HIBCH: variants seen among roughly 807,000 people sequenced by gnomAD.
HIBCH encodes the protein 3-hydroxyisobutyryl-CoA hydrolase, mitochondrial.
In HIBCH, 50 loss-of-function variants were observed where a neutral mutation model predicts 58.2. That is an observed-to-expected ratio of 0.86 (90% CI 0.68 to 1.09). The LOEUF (loss-of-function observed/expected upper bound fraction) is 1.09. Among genes scored for constraint, HIBCH ranks in the 50% least tolerant of loss-of-function variants. The pLI is 0.00. For missense variants in HIBCH, 450 were observed against 449.7 expected, an observed-to-expected ratio of 1.00 and a Z score of -0.01; for synonymous variants, 151 against 146.9, an observed-to-expected ratio of 1.03 and a Z score of -0.20.
At chr2:190,314,372 T>G (rs572919427) in intron 1 of HIBCH, among the ~76,000 whole-genome samples, 1 of 86,586 alleles carries the variant, frequency 1.2e-5, no homozygotes, top group African/African-American at 4.8e-5. Context: ...TATATATACG[T>G]ATATATGTGT....
intron 6 of HIBCH, among the ~76,000 whole-genome samples, chr2:190,273,690 T>C (rs570592377): frequency 1.0e-5 from 1 of 98,390 alleles, no homozygotes; most frequent in Non-Finnish European, 2.1e-5. Flanking sequence ...TCCTTTCATA[T>C]CTTCCAGTTT....
chr2:190,252,033 T>A, intron 8 of HIBCH, 129 bp downstream of exon 8: 1 of 823,832 alleles, frequency 1.2e-6, no homozygotes, highest in Non-Finnish European at 2.0e-6. Context: ...AGCTATAAAC[T>A]AATAGGTCCA....
chr2:190,226,906 C>T (rs1284304667), intron 11 of HIBCH, among the ~76,000 whole-genome samples: 2 of 152,112 alleles, frequency 1.3e-5, no homozygotes, highest in Admixed American at 6.6e-5. Context: ...GAACTACAAA[C>T]CACTGCTCAA....
At chr2:190,233,938 A>G (rs1219822187) in intron 11 of HIBCH, among the ~76,000 whole-genome samples, 2 of 152,224 alleles carry the variant, frequency 1.3e-5, no homozygotes, top group Admixed American at 1.3e-4. Context: ...CAGGTGGATC[A>G]CATGAGGTCA....
chr2:190,285,726 TCAG>T (rs1687812958), intron 6 of HIBCH, among the ~76,000 whole-genome samples: 2 of 152,132 alleles, frequency 1.3e-5, no homozygotes, highest in South Asian at 4.1e-4. Flanking sequence ...TTGTCACGGC[TCAG>T]GATATGCTAC....
rs1236275651 is a variant in HIBCH at position 190,226,600 on chromosome 2, A to T, written c.892-13525T>A. Among the ~76,000 whole-genome samples the T allele has an allele frequency of 2.8e-3, 207 of 73,836 alleles. 1 individual carries two copies. The South Asian group carries it at 0.042, about 15-fold the overall frequency. The allele number at this position is 73,836 out of a possible 152,430, so 48.4% of individuals were successfully genotyped here. On this transcript the variant is annotated intron_variant, in intron 11 of 13. Coordinates refer to ENST00000359678, the MANE Select transcript of HIBCH (RefSeq NM_014362.4). ...ACAAGAGTGAAACTCCGTCTCAAAA[A>T]AAAAAAAAAAAAAAAAAAAAAAAGA...
At chr2:190,225,219 C>A (rs1221978354) in intron 11 of HIBCH, among the ~76,000 whole-genome samples, 1 of 152,046 alleles carries the variant, frequency 6.6e-6, no homozygotes, top group Non-Finnish European at 1.5e-5. Flanking sequence ...ACTAGAGAAG[C>A]AAGAACAAAC....
intron 6 of HIBCH, among the ~76,000 whole-genome samples, chr2:190,265,950 A>G (rs1245571800): frequency 6.6e-6 from 1 of 152,066 alleles, no homozygotes; most frequent in East Asian, 1.9e-4. Flanking sequence ...CTATAAAAAT[A>G]ATTTTCAGCT....
rs2105901918 is a variant in HIBCH at position 190,213,050 on chromosome 2, G to A, written c.917C>T (p.Ser306Phe). The A allele has an allele frequency of 6.2e-7, 1 of 1,608,352 alleles. No individual in the cohort carries two copies. Among genetic ancestry groups the A allele is most frequent in the African/African-American group, 1.3e-5 (1 of 74,862 alleles). ...LKVINKMSPT[S>F]LKITLRQLME... is the part of the protein sequence containing the mutation. Reference sequence around the variant, plus strand: ...GAGTTGCCTTAGTGTGATCTTTAGAGATGTTGGAGACATTTTATTAATTAC... The same window carrying A: ...GAGTTGCCTTAGTGTGATCTTTAGAAATGTTGGAGACATTTTATTAATTAC... Residue 306 changes from serine to phenylalanine, a missense_variant, in exon 12 of 14, where the codon TCT (serine) becomes TTT (phenylalanine). By Grantham distance (155) the Ser-to-Phe change is radical. Coordinates refer to ENST00000359678, the MANE Select transcript of HIBCH (RefSeq NM_014362.4).
chr2:190,212,461 T>C (rs1559012770), intron 12 of HIBCH, among the ~76,000 whole-genome samples: 1 of 152,358 alleles, frequency 6.6e-6, no homozygotes, highest in East Asian at 1.9e-4. Flanking sequence ...AGATGTTTCA[T>C]GAAATCAATA....
intron 7 of HIBCH, among the ~76,000 whole-genome samples, chr2:190,255,964 C>A (rs959604040): frequency 1.3e-5 from 2 of 152,032 alleles, no homozygotes; most frequent in African/African-American, 4.8e-5. Flanking sequence ...GCTAAGGAGG[C>A]CTCAGGAAAC....
At position 190,243,387 on chromosome 2, in the gene HIBCH, G is replaced by T. The variant is rs559141175; in HGVS notation, c.891+1500C>A. On this transcript the variant is annotated intron_variant, in intron 11 of 13. Coordinates refer to ENST00000359678, the MANE Select transcript of HIBCH (RefSeq NM_014362.4). This position sits in a 1 kb window ranked among gnomAD's most constrained non-coding sequence, Gnocchi z 4.1. ...GCCTACTGTGGGACCTTGTGATTGTGCAGGTTAATACTTAATAAACTCCCC... is the reference window on the plus strand; with the variant it reads ...GCCTACTGTGGGACCTTGTGATTGTTCAGGTTAATACTTAATAAACTCCCC... Among the ~76,000 whole-genome samples the T allele has an allele frequency of 1.3e-5, 2 of 152,266 alleles. No individual in the cohort carries two copies. Among genetic ancestry groups the T allele is most frequent in the East Asian group, 3.9e-4 (2 of 5,180 alleles).
At chr2:190,313,656 A>AG (rs1688616903) in intron 1 of HIBCH, among the ~76,000 whole-genome samples, 1 of 148,546 alleles carries the variant, frequency 6.7e-6, no homozygotes, top group Non-Finnish European at 1.5e-5. Flanking sequence ...AAAAAAAAAA[A>AG]AAAAAAAAGG....
chr2:190,263,936 T>C (rs1687162248), intron 6 of HIBCH, among the ~76,000 whole-genome samples: 1 of 152,050 alleles, frequency 6.6e-6, no homozygotes, highest in Admixed American at 6.6e-5. Context: ...AGCTCTAACT[T>C]AAAAATATAT....
At position 190,315,793 on chromosome 2, in the gene HIBCH, G is replaced by A. The variant is rs1484511390; in HGVS notation, c.35+3923C>T. Among the ~76,000 whole-genome samples, 1 of 152,134 alleles carries A rather than the reference G, an allele frequency of 6.6e-6. No individual in the cohort carries two copies. The highest frequency in any genetic ancestry group is 1.9e-4 in the East Asian group (1 of 5,188). On this transcript the variant is annotated intron_variant, in intron 1 of 13. Transcript: ENST00000359678. The surrounding 1 kb of genome is among the most constrained non-coding windows in gnomAD (Gnocchi z 5.4). Reference sequence around the variant, plus strand: ...TTATAAAGTAAAAACTCAATGGAAAGGAATGTCAAAAATGACTTTAAGATT... The same window carrying A: ...TTATAAAGTAAAAACTCAATGGAAAAGAATGTCAAAAATGACTTTAAGATT...
chr2:190,206,991 AG>A lies in HIBCH; in HGVS notation c.1046-1760del, dbSNP rs1391410798. Among the ~76,000 whole-genome samples, 2 of 152,050 alleles carry A rather than the reference AG, an allele frequency of 1.3e-5. No individual in the cohort carries two copies. The highest frequency in any genetic ancestry group is 4.8e-5 in the African/African-American group (2 of 41,414). ...ATACAAAAAAATTAGGCGTGGTGGC[AG>A]GCGCTTTTAGTCCCAGCTACTCGGG... On this transcript the variant is annotated intron_variant, in intron 13 of 13. Transcript: ENST00000359678. This position sits in a 1 kb window ranked among gnomAD's most constrained non-coding sequence, Gnocchi z 5.1.
intron 11 of HIBCH, among the ~76,000 whole-genome samples, chr2:190,223,511 C>G (rs1427547666): frequency 6.6e-6 from 1 of 152,166 alleles, no homozygotes; most frequent in African/African-American, 2.4e-5. Flanking sequence ...AAAACAGAGT[C>G]AAGGAAAGGC....
downstream of HIBCH, among the ~76,000 whole-genome samples, chr2:190,199,203 A>G (rs1690121970): frequency 2.6e-5 from 4 of 152,120 alleles, 1 homozygote; most frequent in South Asian, 8.3e-4. Context: ...ATAGATCAGG[A>G]CTCAGCAAAC....
intron 6 of HIBCH, among the ~76,000 whole-genome samples, chr2:190,268,928 C>T (rs890071183): frequency 3.9e-5 from 6 of 152,152 alleles, no homozygotes; most frequent in Non-Finnish European, 7.3e-5. Flanking sequence ...AATAACACCA[C>T]ATATCTAAAA....
Sources: gnomAD v4.1 joint callset for allele counts (sites outside exome capture counted in the v4.1 genomes callset) on GRCh38, gnomAD v4.1.1 for gene constraint, Gnocchi (gnomAD v3.1) non-coding constraint, MANE v1.5 for transcripts, NCBI Gene and HGNC (gene_info 2026-07-23, HGNC 2026-07-21) for gene names.